The following ARMC9 variants were observed in gnomAD, a reference collection of about 807,000 sequenced individuals.
The protein encoded by ARMC9 is armadillo repeat containing 9, also known as lisH domain-containing protein ARMC9.
Under a neutral mutation model 107.0 loss-of-function variants are expected in ARMC9, and 94 were observed. The ratio of observed to expected loss-of-function variants is 0.88; its 90% CI spans 0.74 to 1.04. ARMC9 has a LOEUF of 1.04. ARMC9 is among the 50% of genes least tolerant of loss of function. The pLI is 0.00. For missense variants in ARMC9, 942 were observed against 1,030.1 expected (o/e 0.91, Z 1.17); for synonymous variants, 380 against 396.9 (o/e 0.96, Z 0.51).
chr2:231,226,511 T>C (rs915606996), intron 6 of ARMC9, among the ~76,000 whole-genome samples: 1 of 152,198 alleles, frequency 6.6e-6, no homozygotes, highest in Admixed American at 6.5e-5. Context: ...TAGGAGGCTG[T>C]TGAAATAGTG....
intron 23 of ARMC9, among the ~76,000 whole-genome samples, chr2:231,368,914 C>T (rs541770427): frequency 2.6e-5 from 4 of 152,226 alleles, no homozygotes; most frequent in South Asian, 4.1e-4. Flanking sequence ...TGAGCCACCG[C>T]GCCCGGCCTA....
At chr2:231,231,782 G>A (rs949849009) in intron 7 of ARMC9, among the ~76,000 whole-genome samples, 2 of 151,292 alleles carry the variant, frequency 1.3e-5, no homozygotes, top group East Asian at 1.9e-4. Context: ...TCCTGCTCCC[G>A]GGTTCAAGCA....
intron 17 of ARMC9, among the ~76,000 whole-genome samples, chr2:231,288,366 C>T (rs1251449453): frequency 6.6e-6 from 1 of 152,062 alleles, no homozygotes; most frequent in African/African-American, 2.4e-5. Context: ...AATTTTTATT[C>T]TTTCTTTTAT....
chr2:231,313,289 C>A (rs2042459106), intron 19 of ARMC9, among the ~76,000 whole-genome samples: 4 of 152,342 alleles, frequency 2.6e-5, no homozygotes, highest in South Asian at 2.1e-4. Context: ...GCCACTTCAG[C>A]TCTCTCATGC....
intron 23 of ARMC9, among the ~76,000 whole-genome samples, chr2:231,366,872 A>G (rs1480269785): frequency 6.7e-6 from 1 of 149,720 alleles, no homozygotes; most frequent in Non-Finnish European, 1.5e-5. Context: ...TTTTTTTGAG[A>G]CGGAGTCTCG....
intron 3 of ARMC9, among the ~76,000 whole-genome samples, chr2:231,210,732 A>T (rs1574855502): frequency 2.6e-5 from 4 of 152,340 alleles, no homozygotes; most frequent in South Asian, 4.1e-4. Flanking sequence ...AGAACACTCA[A>T]ATGTCTCTTT....
chr2:231,302,451 T>G (rs942734516), intron 19 of ARMC9, among the ~76,000 whole-genome samples: 16 of 144,722 alleles, frequency 1.1e-4, no homozygotes, highest in South Asian at 9.0e-4. Context: ...TTTTTTTTTT[T>G]TTTTTTTTTT....
chr2:231,332,940 C>T (rs1036511073), intron 20 of ARMC9, among the ~76,000 whole-genome samples: 1 of 152,178 alleles, frequency 6.6e-6, no homozygotes, highest in African/African-American at 2.4e-5. Context: ...GTGGAGCCAG[C>T]GTCTCAACAG....
intron 23 of ARMC9, among the ~76,000 whole-genome samples, chr2:231,363,746 G>T (rs191277019): frequency 8.4e-4 from 128 of 152,064 alleles, no homozygotes; most frequent in African/African-American, 2.9e-3. Context: ...TTAGCTGGGC[G>T]TGGTGGCACG....
At chr2:231,273,112 G>A (rs144234972) in intron 14 of ARMC9, 34 bp downstream of exon 14, 4 of 1,593,280 alleles carry the variant, frequency 2.5e-6, no homozygotes, top group South Asian at 2.3e-5. Context: ...GGTGTCTCCT[G>A]TGAGATCAGA....
intron 18 of ARMC9, among the ~76,000 whole-genome samples, chr2:231,292,167 CAA>C (rs1248110796): frequency 2.5e-4 from 14 of 56,068 alleles, no homozygotes; most frequent in Admixed American, 2.1e-4. Context: ...AACTCCTTCT[CAA>C]AAAAAAAAAA....
rs1288481710 is a variant in ARMC9 at position 231,308,605 on chromosome 2, T to C, written c.1773+12352T>C. Among the ~76,000 whole-genome samples the C allele has an allele frequency of 3.3e-5, 5 of 152,210 alleles. No individual in the cohort carries two copies. The East Asian group carries it at 5.8e-4, about 18-fold the overall frequency. On this transcript the variant is annotated intron_variant, in intron 19 of 24. Transcript: ENST00000611582. Reference sequence around the variant, plus strand: ...ACAGGCTGGGGGTAAGAGCAGATCATGTGTAGGGCGAAACTAGATTTTGCA... The same window carrying C: ...ACAGGCTGGGGGTAAGAGCAGATCACGTGTAGGGCGAAACTAGATTTTGCA...
intron 19 of ARMC9, among the ~76,000 whole-genome samples, chr2:231,321,095 A>G (rs2042972989): frequency 6.6e-6 from 1 of 152,248 alleles, no homozygotes; most frequent in Non-Finnish European, 1.5e-5. Flanking sequence ...AAGCGAGAAT[A>G]TTAATACCCT....
At chr2:231,345,234 G>T in intron 21 of ARMC9, 144 bp downstream of exon 21, 2 of 1,431,700 alleles carry the variant, frequency 1.4e-6, no homozygotes, top group Non-Finnish European at 1.8e-6. Flanking sequence ...GATTTTTGGA[G>T]GGAAAGAGGT....
Position 231,276,725 on chromosome 2 carries a change from C to T in ARMC9, c.1424C>T (p.Thr475Met), listed in dbSNP as rs116712981. The change falls in exon 15 of 25, where the codon ACG (threonine) becomes ATG (methionine). Residue 475 changes from threonine to methionine, a missense_variant. Physicochemically the swap from Thr to Met is moderately conservative, Grantham distance 81. Transcript: ENST00000611582. Reference protein sequence around the residue: ...LKDPDCLSDYTLEYSVALLMN... With the variant: ...LKDPDCLSDYMLEYSVALLMN... ...GACCCTGACTGCCTGTCTGACTACA[C>T]GCTGGAGTACTCGGTGGCTTTGCTC... The T allele has an allele frequency of 4.3e-4, 687 of 1,614,140 alleles. 6 individuals are homozygous for T. The African/African-American group carries it at 8.2e-3, about 19-fold the overall frequency.
intron 8 of ARMC9, among the ~76,000 whole-genome samples, chr2:231,237,470 T>C (rs1012053270): frequency 1.3e-5 from 2 of 151,986 alleles, no homozygotes; most frequent in African/African-American, 4.8e-5. Context: ...ATACTGTACA[T>C]CTTGATAAAA....
chr2:231,233,315 A>G (rs965564895), intron 7 of ARMC9, among the ~76,000 whole-genome samples: 1 of 152,236 alleles, frequency 6.6e-6, no homozygotes, highest in Non-Finnish European at 1.5e-5. Flanking sequence ...CACCAGATCC[A>G]TTTGAGGAGT....
chr2:231,359,506 T>C (rs1480705329), intron 22 of ARMC9, among the ~76,000 whole-genome samples: 1 of 152,062 alleles, frequency 6.6e-6, no homozygotes, highest in African/African-American at 2.4e-5. Context: ...ACACTCCAGC[T>C]CAGTTCCTCC....
At chr2:231,258,285 G>A (rs2038021437) in intron 10 of ARMC9, among the ~76,000 whole-genome samples, 1 of 152,016 alleles carries the variant, frequency 6.6e-6, no homozygotes, top group East Asian at 1.9e-4. Context: ...GGGTTCAAGC[G>A]ATTCTCCTGT....
Sources: allele counts gnomAD v4.1 joint callset (sites outside exome capture counted in the v4.1 genomes callset), GRCh38; gene constraint gnomAD v4.1.1; transcripts MANE v1.5; gene names NCBI Gene and HGNC (gene_info 2026-07-23, HGNC 2026-07-21).